Variants in PTPRG observed in about 807,000 individuals in gnomAD.
The protein encoded by PTPRG is protein tyrosine phosphatase receptor type G, also known as receptor-type tyrosine-protein phosphatase gamma.
Under a neutral mutation model 165.3 loss-of-function variants are expected in PTPRG, and 102 were observed. That is an observed-to-expected ratio of 0.62 (90% CI 0.53 to 0.73). PTPRG has a LOEUF of 0.73. Ranked by LOEUF, PTPRG falls within the 30% of genes least tolerant of loss-of-function variation. The pLI is 0.00. For synonymous variants in PTPRG, 675 were observed against 669.5 expected, an observed-to-expected ratio of 1.01 and a Z score of -0.13; for missense variants, 1,866 against 1,861.4, an observed-to-expected ratio of 1.00 and a Z score of -0.05.
chr3:61,995,084 CTT>C (rs761499179), intron 3 of PTPRG, among the ~76,000 whole-genome samples: 38 of 35,394 alleles, frequency 1.1e-3, no homozygotes, highest in Non-Finnish European at 1.7e-3. Context: ...TTCTTTCTTT[CTT>C]TTTTTTTTTT....
intron 21 of PTPRG, among the ~76,000 whole-genome samples, chr3:62,272,480 A>G (rs964396213): frequency 6.6e-6 from 1 of 152,182 alleles, no homozygotes; most frequent in African/African-American, 2.4e-5. Flanking sequence ...TGGTACTCAA[A>G]TACATGTCGC....
chr3:61,579,408 C>T (rs900542750), intron 1 of PTPRG, among the ~76,000 whole-genome samples: 3 of 152,154 alleles, frequency 2.0e-5, no homozygotes, highest in South Asian at 2.1e-4. Flanking sequence ...GCTGCTATTC[C>T]GACACGTGTT....
At position 62,277,658 on chromosome 3, in the gene PTPRG, GC is replaced by G. The variant is rs747871576; in HGVS notation, c.3745del (p.Leu1249CysfsTer22). 6.2e-7 allele frequency: 1 copy of G among 1,612,450 alleles called. No individual in the cohort carries two copies. On this transcript the variant is annotated frameshift_variant, in exon 26 of 30. Transcript: ENST00000474889. LOFTEE classifies it high-confidence loss of function. ...WDHNAQIIVM[L>X]PDNQSLAEDE... ...ATCATAACGCACAGATCATTGTCAT[GC>G]TGCCAGACAACCAGAGCTTGGTAAG...
At chr3:61,828,943 G>C (rs1333450237) in intron 2 of PTPRG, among the ~76,000 whole-genome samples, 1 of 152,168 alleles carries the variant, frequency 6.6e-6, no homozygotes, top group Non-Finnish European at 1.5e-5. Context: ...ACCCAGAAGA[G>C]GTGAAAGCCT....
At chr3:61,719,490 C>T (rs887891080) in intron 1 of PTPRG, among the ~76,000 whole-genome samples, 1 of 152,122 alleles carries the variant, frequency 6.6e-6, no homozygotes, top group Non-Finnish European at 1.5e-5. Context: ...CTCCCCACTG[C>T]CAGTTTTCCT....
intron 5 of PTPRG, among the ~76,000 whole-genome samples, chr3:62,083,583 A>C (rs537332089): frequency 6.6e-6 from 1 of 152,344 alleles, no homozygotes; most frequent in East Asian, 1.9e-4. Flanking sequence ...GTGGAAGGAT[A>C]CTTTGCTTTT....
intron 4 of PTPRG, among the ~76,000 whole-genome samples, chr3:62,060,241 G>A (rs1700765453): frequency 6.6e-6 from 1 of 150,866 alleles, no homozygotes; most frequent in Non-Finnish European, 1.5e-5. Flanking sequence ...AATCCTTCCT[G>A]CTGATTTCCT....
chr3:61,922,941 C>T (rs1463264218), intron 2 of PTPRG, among the ~76,000 whole-genome samples: 1 of 152,200 alleles, frequency 6.6e-6, no homozygotes, highest in African/African-American at 2.4e-5. Flanking sequence ...ATACCCCACC[C>T]AAATTAACCT....
At chr3:61,604,881 A>G (rs939028906) in intron 1 of PTPRG, among the ~76,000 whole-genome samples, 1 of 152,120 alleles carries the variant, frequency 6.6e-6, no homozygotes. Flanking sequence ...CCTGATATAT[A>G]TTACCTGATT....
intron 2 of PTPRG, among the ~76,000 whole-genome samples, chr3:61,952,118 GAAAA>G (rs35655816): frequency 0.018 from 1,466 of 79,696 alleles, 21 homozygotes; most frequent in African/African-American, 0.063. Context: ...CTCCACCTCA[GAAAA>G]AAAAAAAAAA....
intron 1 of PTPRG, among the ~76,000 whole-genome samples, chr3:61,676,326 G>A (rs555807071): frequency 2.0e-5 from 3 of 151,130 alleles, no homozygotes; most frequent in South Asian, 4.2e-4. Context: ...GTGTGGTGGC[G>A]GGCACGTGAA....
chr3:62,169,116 A>G (rs1392984809), intron 8 of PTPRG, among the ~76,000 whole-genome samples: 2 of 152,130 alleles, frequency 1.3e-5, no homozygotes, highest in Non-Finnish European at 2.9e-5. Flanking sequence ...ATATGGGTAC[A>G]GGATAGCGGG....
chr3:61,594,946 C>G (rs1204134670), intron 1 of PTPRG, among the ~76,000 whole-genome samples: 1 of 151,764 alleles, frequency 6.6e-6, no homozygotes, highest in Non-Finnish European at 1.5e-5. Flanking sequence ...AATTAGTGCA[C>G]TGATTTTTTT....
chr3:61,862,635 T>C (rs1174876274), intron 2 of PTPRG, among the ~76,000 whole-genome samples: 1 of 152,130 alleles, frequency 6.6e-6, no homozygotes, highest in Non-Finnish European at 1.5e-5. Context: ...CCTCAGGTGA[T>C]CTGCCCGCCC....
intron 5 of PTPRG, among the ~76,000 whole-genome samples, chr3:62,080,851 G>A (rs776722045): frequency 3.9e-5 from 6 of 152,062 alleles, no homozygotes; most frequent in East Asian, 1.9e-4. Flanking sequence ...CGAGGACACC[G>A]CTACTAGTTT....
At position 62,222,729 on chromosome 3, in the gene PTPRG, G is replaced by C. The variant is rs1351239017; in HGVS notation, c.2288+3746G>C. ...ATTCTGTTACTTAAAAAATTATAAAGCTGTTTCTATTGCATGTGCACTGGA... is the reference window on the plus strand; with the variant it reads ...ATTCTGTTACTTAAAAAATTATAAACCTGTTTCTATTGCATGTGCACTGGA... On this transcript the variant is annotated intron_variant, in intron 13 of 29. Transcript: ENST00000474889. This position sits in a 1 kb window ranked among gnomAD's most constrained non-coding sequence, Gnocchi z 4.5. Among the ~76,000 whole-genome samples, 1 of 152,130 alleles carries C rather than the reference G, an allele frequency of 6.6e-6. No individual in the cohort carries two copies. The highest frequency in any genetic ancestry group is 1.5e-5 in the Non-Finnish European group (1 of 68,034).
At chr3:62,003,544 A>G (rs761605085) in intron 4 of PTPRG, 47 bp downstream of exon 4, 2 of 1,603,426 alleles carry the variant, frequency 1.2e-6, no homozygotes, top group South Asian at 1.1e-5. Context: ...TTCGGTCTTT[A>G]TGTTAATCAG....
intron 29 of PTPRG, chr3:62,292,758 CA>C: frequency 1.7e-6 from 1 of 580,734 alleles, no homozygotes; most frequent in Non-Finnish European, 3.0e-6. Context: ...GCAAACTACA[CA>C]GCACAAGACA....
chr3:61,628,781 A>G (rs1701686312), intron 1 of PTPRG, among the ~76,000 whole-genome samples: 1 of 152,196 alleles, frequency 6.6e-6, no homozygotes, highest in South Asian at 2.1e-4. Context: ...ACCCTGTGCC[A>G]TACTGCTTAT....
Sources: allele counts gnomAD v4.1 joint callset (sites outside exome capture counted in the v4.1 genomes callset), GRCh38; gene constraint gnomAD v4.1.1; non-coding constraint Gnocchi (gnomAD v3.1); transcripts MANE v1.5; gene names NCBI Gene and HGNC (gene_info 2026-07-23, HGNC 2026-07-21).